The following KDM6A variants were observed in gnomAD, a reference collection of about 807,000 sequenced individuals.
The protein encoded by KDM6A is lysine-specific demethylase 6A.
A neutral mutation model predicts 117.6 loss-of-function variants in KDM6A; 11 were observed. That is an observed-to-expected ratio of 0.09 (90% CI 0.06 to 0.15). The LOEUF is 0.15. Among genes scored for constraint, KDM6A ranks in the 10% least tolerant of loss-of-function variants. The pLI, the probability that KDM6A is intolerant of heterozygous loss-of-function variation, is 1.00. For synonymous variants in KDM6A, 384 were observed against 396.1 expected (o/e 0.97, Z 0.36); for missense variants, 799 against 1,077.3 (o/e 0.74, Z 3.62).
chrX:44,973,967 A>G (rs961627592), intron 3 of KDM6A, among the ~76,000 whole-genome samples: 1 of 110,940 alleles, frequency 9.0e-6, no homozygotes, highest in African/African-American at 3.3e-5. Context: ...TTTTTGAAGT[A>G]TATTTTCCCC....
Position 45,111,463 on chromosome X carries a change from C to T in KDM6A, c.*52C>T. The stretch of plus-strand genomic sequence containing the variant: ...CCTTTTCTGCTATTCAGGAAATAAC[C>T]CAGTTCTGCACCACTGGTTTTTGTA... On this transcript the variant is annotated 3_prime_UTR_variant, in exon 30 of 30. Transcript: ENST00000611820. The T allele has an allele frequency of 2.0e-6, 2 of 1,021,303 alleles. No homozygotes were observed. Among genetic ancestry groups the T allele is most frequent in the Middle Eastern group, 2.5e-4 (1 of 3,963 alleles). The allele number at this position is 1,021,303 out of a possible 1,213,427, so 84.2% of individuals were successfully genotyped here.
At chrX:45,104,303 G>A (rs923073513) in intron 27 of KDM6A, among the ~76,000 whole-genome samples, 5 of 112,685 alleles carry the variant, frequency 4.4e-5, no homozygotes, top group Non-Finnish European at 9.4e-5. Context: ...GATTACAGGC[G>A]CGAGCCACCG....
intron 2 of KDM6A, among the ~76,000 whole-genome samples, chrX:44,906,844 C>A (rs1307050953): frequency 8.9e-6 from 1 of 112,029 alleles, no homozygotes; most frequent in African/African-American, 3.2e-5. Context: ...TTAGGAGCAG[C>A]ATTATTGATA....
intron 3 of KDM6A, among the ~76,000 whole-genome samples, chrX:44,972,493 AG>A (rs1281474806): frequency 9.0e-6 from 1 of 111,356 alleles, no homozygotes; most frequent in African/African-American, 3.3e-5. Flanking sequence ...TATGTAAGGA[AG>A]GGGCCATATT....
In KDM6A at chrX:44,906,633, T is replaced by C. The variant is rs189339730; in HGVS notation, c.225+32646T>C. Among the ~76,000 whole-genome samples, 987 of 110,659 alleles carry C rather than the reference T, an allele frequency of 8.9e-3. 5 individuals are homozygous for C. The highest frequency in any genetic ancestry group is 0.019 in the South Asian group (49 of 2,621). On this transcript the variant is annotated intron_variant, in intron 2 of 29. Transcript: ENST00000611820. ...TTTTTAAATATTGTGTGTGTATATA[T>C]ATATGTAGAGAGAGAGACTGTATGT... is the stretch of plus-strand genomic sequence containing the variant.
intron 2 of KDM6A, among the ~76,000 whole-genome samples, chrX:44,890,169 A>G (rs2033224775): frequency 8.9e-6 from 1 of 112,542 alleles, no homozygotes; most frequent in African/African-American, 3.2e-5. Context: ...AAGTGGGATC[A>G]TACAGTATAT....
intron 2 of KDM6A, among the ~76,000 whole-genome samples, chrX:44,883,159 C>A (rs1200748400): frequency 9.2e-6 from 1 of 108,275 alleles, no homozygotes; most frequent in Admixed American, 1.0e-4. Flanking sequence ...ACCTCTGCCT[C>A]CCAGGCTCAA....
chrX:45,068,552 CTT>C lies in KDM6A; in HGVS notation c.2080-1019_2080-1018del, dbSNP rs746190040. Among the ~76,000 whole-genome samples the C allele has an allele frequency of 2.6e-3, 251 of 95,152 alleles. 5 individuals carry two copies. The South Asian group carries it at 0.057, about 22-fold the overall frequency. The allele number at this position is 95,152 out of a possible 115,157, so 82.6% of individuals were successfully genotyped here. A position where few individuals can be genotyped will look rare whatever the true frequency, so the allele number is the denominator to read the frequency against. On this transcript the variant is annotated intron_variant, in intron 17 of 29. Transcript: ENST00000611820. ...GAGACTTAAAATGTCTTTTTCTCCC[CTT>C]TTTTTTTAAAAAAAAAAAAAAAAAA...
intron 2 of KDM6A, among the ~76,000 whole-genome samples, chrX:44,922,715 C>T (rs2036040528): frequency 8.9e-6 from 1 of 112,158 alleles, no homozygotes. Flanking sequence ...GTGATCCTCC[C>T]GCCTCAGCCT....
chrX:44,966,549 A>T (rs2039020698), intron 3 of KDM6A, among the ~76,000 whole-genome samples: 1 of 110,935 alleles, frequency 9.0e-6, no homozygotes, highest in African/African-American at 3.3e-5. Flanking sequence ...TGTGTTAGCA[A>T]ACTAGCTGGT....
rs772897984 is a variant in KDM6A, at chrX:45,063,802, A to C, written c.2064A>C (p.Leu688=). ...CAGAGGAGCCGTGGAAAAACCAACT[A>C]TCTAACTCCACTCAGGTAATAGGAG... ...SSAEEPWKNQ[L]SNSTQGLHKG... is the part of the protein sequence containing the mutation. Residue 688 remains leucine, a synonymous_variant, in exon 17 of 30, where the codon CTA becomes CTC. Transcript: ENST00000611820. 2 of 1,197,587 alleles carry C rather than the reference A, an allele frequency of 1.7e-6. No individual in the cohort carries two copies. The highest frequency in any genetic ancestry group is 2.3e-6 in the Non-Finnish European group (2 of 887,571).
intron 2 of KDM6A, among the ~76,000 whole-genome samples, chrX:44,952,492 CA>C (rs1296135640): frequency 9.1e-6 from 1 of 110,374 alleles, no homozygotes; most frequent in Non-Finnish European, 1.9e-5. Flanking sequence ...TGGTTGGTCT[CA>C]AACTCCTGAC....
chrX:45,108,328 T>C (rs762271728), intron 28 of KDM6A, among the ~76,000 whole-genome samples: 1 of 111,770 alleles, frequency 8.9e-6, no homozygotes, highest in South Asian at 3.8e-4. Context: ...CAAATTCCGC[T>C]CATAAGTCTA....
At chrX:44,950,266 G>T (rs1214759373) in intron 2 of KDM6A, among the ~76,000 whole-genome samples, 2 of 110,890 alleles carry the variant, frequency 1.8e-5, no homozygotes, top group East Asian at 2.8e-4. Context: ...CACCCGCCTC[G>T]GCCTCCCAAA....
rs1310288534 is a variant in KDM6A, at chrX:44,974,478, G to A, written c.335-188G>A. The stretch of plus-strand genomic sequence containing the variant: ...TTAGCCTAGATGCTGTTCAAGTGCA[G>A]ATCTGAGATTTGACCATGGTTTTAC... On this transcript the variant is annotated intron_variant, in intron 3 of 29. Coordinates refer to ENST00000611820, the MANE Select transcript of KDM6A (RefSeq NM_001291415.2). Among the ~76,000 whole-genome samples, 6 of 110,951 alleles carry A rather than the reference G, an allele frequency of 5.4e-5. No homozygotes were observed. In the Admixed American group the frequency reaches 5.8e-4, roughly 11 times the overall value.
intron 27 of KDM6A, among the ~76,000 whole-genome samples, chrX:45,103,304 A>T (rs1448872576): frequency 6.3e-5 from 7 of 110,776 alleles, no homozygotes; most frequent in African/African-American, 6.6e-5. Flanking sequence ...AAGCCCCCAT[A>T]CTACCTTCTT....
At chrX:44,975,979 T>C (rs1459671587) in intron 4 of KDM6A, among the ~76,000 whole-genome samples, 2 of 112,428 alleles carry the variant, frequency 1.8e-5, no homozygotes, top group African/African-American at 6.5e-5. Context: ...GTATTCAGTT[T>C]GTGAGGTGGA....
At chrX:44,966,488 T>C (rs765339484) in intron 3 of KDM6A, among the ~76,000 whole-genome samples, 70 of 111,025 alleles carry the variant, frequency 6.3e-4, no homozygotes, top group African/African-American at 2.3e-3. Context: ...AGGAGATTGA[T>C]CTTGGATATG....
chrX:44,949,329 G>A (rs1053460420), intron 2 of KDM6A, among the ~76,000 whole-genome samples: 1 of 111,781 alleles, frequency 8.9e-6, no homozygotes, highest in African/African-American at 3.3e-5. Context: ...GGGAGGTCCA[G>A]GCTGCAGTGA....
Sources: allele counts gnomAD v4.1 joint callset (sites outside exome capture counted in the v4.1 genomes callset), GRCh38; gene constraint gnomAD v4.1.1; transcripts MANE v1.5; gene names NCBI Gene and HGNC (gene_info 2026-07-23, HGNC 2026-07-21).